LITAF: variants seen among roughly 807,000 people sequenced by gnomAD.
The protein encoded by LITAF is lipopolysaccharide induced TNF factor.
LITAF carries 9 observed loss-of-function variants against 14.5 expected under a neutral mutation model. That is an observed-to-expected ratio of 0.62 (90% CI 0.37 to 1.08). The LOEUF (loss-of-function observed/expected upper bound fraction) is 1.08. Ranked by LOEUF, LITAF falls within the 50% of genes least tolerant of loss-of-function variation. LITAF has a pLI of 0.01. For synonymous variants in LITAF, 98 were observed against 88.2 expected (o/e 1.11, Z -0.62); for missense variants, 206 against 213.4 (o/e 0.97, Z 0.22).
upstream of LITAF, among the ~76,000 whole-genome samples, chr16:11,638,701 C>CAAA (rs57170972): frequency 2.2e-3 from 166 of 75,944 alleles, 10 homozygotes; most frequent in Non-Finnish European, 3.7e-3. Flanking sequence ...GACTCTGTCT[C>CAAA]AAAAAAAAAA....
chr16:11,612,024 C>T (rs1415345779), intron 3 of LITAF, among the ~76,000 whole-genome samples: 1 of 152,190 alleles, frequency 6.6e-6, no homozygotes, highest in African/African-American at 2.4e-5. Flanking sequence ...AACCCCCATC[C>T]AACGCAACTT....
At chr16:11,604,946 C>G (rs1295509220) in intron 3 of LITAF, among the ~76,000 whole-genome samples, 1 of 152,158 alleles carries the variant, frequency 6.6e-6, no homozygotes, top group Non-Finnish European at 1.5e-5. Flanking sequence ...CCACTGCCAT[C>G]TCGGTCATCT....
intron 1 of LITAF, chr16:11,561,255 A>T (rs1719135308): frequency 6.6e-6 from 1 of 152,212 alleles, no homozygotes; most frequent in South Asian, 2.1e-4. Flanking sequence ...CTAAACCTCC[A>T]AGAGGCAATG....
At chr16:11,631,853 C>CTTTTTTT (rs34507448) in intron 3 of LITAF, among the ~76,000 whole-genome samples, 1 of 134,532 alleles carries the variant, frequency 7.4e-6, no homozygotes, top group Non-Finnish European at 1.6e-5. Flanking sequence ...CTTTTCTTTT[C>CTTTTTTT]TTTTTTTTTT....
intron 3 of LITAF, among the ~76,000 whole-genome samples, chr16:11,623,108 C>A (rs1341077319): frequency 6.6e-6 from 1 of 151,332 alleles, no homozygotes; most frequent in Non-Finnish European, 1.5e-5. Context: ...GGACTACAGG[C>A]GCCCACCACC....
At chr16:11,588,997 C>T (rs1166686634), upstream of LITAF, among the ~76,000 whole-genome samples, 3 of 152,086 alleles carry the variant, frequency 2.0e-5, no homozygotes, top group African/African-American at 7.2e-5. Flanking sequence ...GTTTTTCTTT[C>T]CCCAACTGCT....
chr16:11,614,298 C>CTTTTTTTTTTT (rs34958536), intron 3 of LITAF, among the ~76,000 whole-genome samples: 4 of 134,938 alleles, frequency 3.0e-5, no homozygotes, highest in African/African-American at 5.7e-5. Flanking sequence ...TTTTTCTTTT[C>CTTTTTTTTTTT]TTTTTTTTTT....
At chr16:11,571,949 C>T (rs12325260) in intron 1 of LITAF, among the ~76,000 whole-genome samples, 50,822 of 151,480 alleles carry the variant, frequency 0.34, 8,887 homozygotes, top group East Asian at 0.47. Context: ...ATTAGCCAGG[C>T]GTGGTGGTGC....
chr16:11,619,759 G>C (rs1272771857), intron 3 of LITAF, among the ~76,000 whole-genome samples: 1 of 152,064 alleles, frequency 6.6e-6, no homozygotes, highest in Non-Finnish European at 1.5e-5. Flanking sequence ...CTTTTGTAGA[G>C]GCGTCATCCT....
intron 3 of LITAF, among the ~76,000 whole-genome samples, chr16:11,613,925 C>T (rs2064999862): frequency 6.6e-6 from 1 of 152,218 alleles, no homozygotes; most frequent in Admixed American, 6.5e-5. Context: ...ACGGAACTGA[C>T]AGTTGAGATC....
chr16:11,597,689 C>T (rs1000343890), intron 1 of LITAF, among the ~76,000 whole-genome samples: 1 of 152,112 alleles, frequency 6.6e-6, no homozygotes, highest in African/African-American at 2.4e-5. Context: ...CCTTCCCTTC[C>T]AAAACAGTGT....
rs1461710835 is a variant in LITAF, at chr16:11,605,473, GTC to G, written c.85+28058_85+28059del. Among the ~76,000 whole-genome samples the G allele has an allele frequency of 1.1e-4, 16 of 152,236 alleles. No homozygotes were observed. Among genetic ancestry groups the G allele is most frequent in the Admixed American group, 4.6e-4 (7 of 15,290 alleles). Reference sequence around the variant, plus strand: ...GTGGGGGACCCCTTCCCAGCCCCGTGTCTCTCTTTACAGCCCAGAGCCGCACA... The same window carrying G: ...GTGGGGGACCCCTTCCCAGCCCCGTGTCTCTTTACAGCCCAGAGCCGCACA... On this transcript the variant is annotated intron_variant, in intron 3 of 3. Transcript: ENST00000574848. This position sits in a 1 kb window ranked among gnomAD's most constrained non-coding sequence, Gnocchi z 4.7.
intron 1 of LITAF, among the ~76,000 whole-genome samples, chr16:11,583,179 G>A (rs959035195): frequency 1.3e-5 from 2 of 152,190 alleles, no homozygotes; most frequent in African/African-American, 4.8e-5. Flanking sequence ...AGAAATGTGT[G>A]CCAATTCCAT....
At position 11,548,594 on chromosome 16, in the gene LITAF, T is replaced by C. The variant is rs1305858740; in HGVS notation, c.*1043A>G. ...AAATTATCCATTTCTTTTTCTTTTTTTTTTTTTTAAGTGAGACTACATTGG... is the reference window on the plus strand; with the variant it reads ...AAATTATCCATTTCTTTTTCTTTTTCTTTTTTTTAAGTGAGACTACATTGG... On this transcript the variant is annotated 3_prime_UTR_variant, in exon 4 of 4. Transcript: ENST00000622633. The C allele has an allele frequency of 2.2e-6, 1 of 446,304 alleles. No individual in the cohort carries two copies. Among genetic ancestry groups the C allele is most frequent in the Non-Finnish European group, 4.4e-6 (1 of 224,870 alleles). The allele number at this position is 446,304 out of a possible 1,614,324, so 27.6% of individuals were successfully genotyped here.
chr16:11,553,449 G>T lies in LITAF; in HGVS notation c.377+84C>A. The T allele has an allele frequency of 1.4e-6, 2 of 1,406,750 alleles. No homozygotes were observed. The highest frequency in any genetic ancestry group is 2.0e-6 in the Non-Finnish European group (2 of 1,006,038). 87.1% of individuals were successfully genotyped at this position (1,406,750 alleles called of 1,614,324 possible). ...ACAAATGTCTGGCCCTGAATGTCAA[G>T]CATGGTGCAGTTGAGAACCCACCCC... On this transcript the variant is annotated intron_variant, in intron 3 of 3. Transcript: ENST00000622633. This position sits in a 1 kb window ranked among gnomAD's most constrained non-coding sequence, Gnocchi z 7.7.
chr16:11,618,852 G>A (rs1353548280), intron 3 of LITAF, among the ~76,000 whole-genome samples: 2 of 151,934 alleles, frequency 1.3e-5, no homozygotes, highest in East Asian at 1.9e-4. Flanking sequence ...GCGTGGTGGT[G>A]GGTGCCTGTA....
intron 1 of LITAF, among the ~76,000 whole-genome samples, chr16:11,563,215 C>A (rs1007289426): frequency 2.4e-4 from 37 of 152,086 alleles, no homozygotes; most frequent in African/African-American, 8.4e-4. Context: ...GTGGCGTGAT[C>A]TTGGCTCATG....
rs942172049 is a variant in LITAF at position 11,548,420 on chromosome 16, T to C, written c.*1217A>G. 8 of 453,864 alleles carry C rather than the reference T, an allele frequency of 1.8e-5. No homozygotes were observed. Among genetic ancestry groups the C allele is most frequent in the African/African-American group, 1.2e-4 (6 of 49,964 alleles). 28.1% of individuals were successfully genotyped at this position (453,864 alleles called of 1,614,324 possible). On this transcript the variant is annotated 3_prime_UTR_variant, in exon 4 of 4. Transcript: ENST00000622633. ...CTGAAACAGTTCTGGTTCCCAAGCA[T>C]CCGCACCATGGTACCCAGACATGCT...
At chr16:11,574,773 C>A (rs866372136) in intron 1 of LITAF, among the ~76,000 whole-genome samples, 6 of 149,142 alleles carry the variant, frequency 4.0e-5, no homozygotes, top group Admixed American at 1.4e-4. Flanking sequence ...AAAATTTGCA[C>A]TAACAACATC....
Sources: gnomAD v4.1 joint callset for allele counts (sites outside exome capture counted in the v4.1 genomes callset) on GRCh38, gnomAD v4.1.1 for gene constraint, Gnocchi (gnomAD v3.1) non-coding constraint, MANE v1.5 for transcripts, NCBI Gene and HGNC (gene_info 2026-07-23, HGNC 2026-07-21) for gene names.